ZFYVE19: variants seen among roughly 807,000 people sequenced by gnomAD.
ZFYVE19 encodes abscission/NoCut checkpoint regulator.
Under a neutral mutation model 62.8 loss-of-function variants are expected in ZFYVE19, and 49 were observed. The observed-to-expected ratio is 0.78, with a 90% CI of 0.62 to 0.99. The LOEUF (loss-of-function observed/expected upper bound fraction) is 0.99, where lower values mean the gene tolerates loss of function less well. Ranked by LOEUF, ZFYVE19 falls within the 50% of genes least tolerant of loss-of-function variation. The pLI, the probability that ZFYVE19 is intolerant of heterozygous loss-of-function variation, is 0.00. For synonymous variants in ZFYVE19, 242 were observed against 234.3 expected, an observed-to-expected ratio of 1.03 and a Z score of -0.30; for missense variants, 630 against 601.9, an observed-to-expected ratio of 1.05 and a Z score of -0.49.
At chr15:40,811,885 G>C (rs1203743631) in intron 6 of ZFYVE19, among the ~76,000 whole-genome samples, 1 of 152,238 alleles carries the variant, frequency 6.6e-6, no homozygotes, top group Non-Finnish European at 1.5e-5. Flanking sequence ...AGGTGACTGT[G>C]TCAGAGCCAC....
At chr15:40,813,843 C>A (rs1339247170) in intron 9 of ZFYVE19, 32 bp downstream of exon 9, 1 of 1,605,338 alleles carries the variant, frequency 6.2e-7, no homozygotes, top group Non-Finnish European at 8.5e-7. Context: ...GACCCCCAGG[C>A]TCCCCCCAGC....
chr15:40,810,571 A>G, intron 5 of ZFYVE19, 78 bp from the exon 6 acceptor site: 1 of 1,522,608 alleles, frequency 6.6e-7, no homozygotes, highest in South Asian at 1.3e-5. Context: ...GGCTTTGAGA[A>G]CTACTTAGCA....
At chr15:40,809,745 C>A in intron 3 of ZFYVE19, 107 bp from the exon 4 acceptor site, 1 of 1,273,782 alleles carries the variant, frequency 7.9e-7, no homozygotes, top group Non-Finnish European at 1.1e-6. Flanking sequence ...CATTGGAGGC[C>A]TCCCTAAGTG....
Position 40,809,886 on chromosome 15 carries a change from A to G in ZFYVE19, c.487A>G (p.Ser163Gly), listed in dbSNP as rs779884454. 6.2e-7 allele frequency: 1 copy of G among 1,614,252 alleles called. No homozygotes were observed. Among genetic ancestry groups the G allele is most frequent in the South Asian group, 1.1e-5 (1 of 91,086 alleles). Residue 163 changes from serine to glycine, a missense_variant, in exon 4 of 11, where the codon AGC becomes GGC. Physicochemically the swap from Ser to Gly is moderately conservative, Grantham distance 56. Transcript: ENST00000355341. Reference sequence around the variant, plus strand: ...AGCCTTGGAAGCCAAGCAAAAGCCCAGCACTTCCCAGAGCCAGGGACTGAC... The same window carrying G: ...AGCCTTGGAAGCCAAGCAAAAGCCCGGCACTTCCCAGAGCCAGGGACTGAC... Reference protein sequence around the residue: ...VAALEAKQKPSTSQSQGLTRQ... With the variant: ...VAALEAKQKPGTSQSQGLTRQ...
At chr15:40,810,360 C>A in intron 5 of ZFYVE19, 144 bp downstream of exon 5, 1 of 1,383,814 alleles carries the variant, frequency 7.2e-7, no homozygotes, top group Non-Finnish European at 9.6e-7. Context: ...ACTTTTGCAC[C>A]AACCTTTGTA....
chr15:40,808,742 A>T (rs1461606567), intron 1 of ZFYVE19: 2 of 302,602 alleles, frequency 6.6e-6, no homozygotes, highest in Non-Finnish European at 1.3e-5. Context: ...TCCTGAGCCA[A>T]GCCTCCCTCC....
At chr15:40,813,279 C>A (rs770102647) in intron 7 of ZFYVE19, 59 bp from the exon 8 acceptor site, 6 of 1,532,822 alleles carry the variant, frequency 3.9e-6, no homozygotes, top group Non-Finnish European at 5.4e-6. Flanking sequence ...GGCAGCCACT[C>A]ATGTGAAATC....
Position 40,814,150 on chromosome 15 carries a change from A to AG in ZFYVE19, c.1343dup (p.His449ProfsTer2). On this transcript the variant is annotated frameshift_variant, in exon 11 of 11. Transcript: ENST00000355341. LOFTEE classifies it high-confidence loss of function. ...ACTTGTATCCCTTTGTTCCACAGAG[A>AG]GGGCCATGATGCCTTTGAGCTTAAA... 1.2e-6 allele frequency: 2 copies of AG among 1,614,126 alleles called. No individual in the cohort carries two copies. The highest frequency in any genetic ancestry group is 1.7e-6 in the Non-Finnish European group (2 of 1,180,010).
intron 7 of ZFYVE19, 35 bp downstream of exon 7, chr15:40,812,937 C>G (rs768788681): frequency 9.8e-5 from 157 of 1,601,666 alleles, no homozygotes; most frequent in Non-Finnish European, 1.3e-4. Flanking sequence ...ACTGGTATCC[C>G]TTGGTCAAGG....
At chr15:40,809,532 C>T in intron 3 of ZFYVE19, 74 bp downstream of exon 3, 1 of 1,536,214 alleles carries the variant, frequency 6.5e-7, no homozygotes, top group Non-Finnish European at 9.0e-7. Flanking sequence ...ACCCTGCCCC[C>T]ATCTTCTAGA....
intron 1 of ZFYVE19, chr15:40,808,475 A>G (rs1193949734): frequency 6.7e-7 from 1 of 1,494,116 alleles, no homozygotes; most frequent in South Asian, 1.3e-5. Flanking sequence ...AGGACCGTGC[A>G]GCATTCACCA....
In ZFYVE19 at chr15:40,813,898, C is replaced by T. The variant is rs116417086; in HGVS notation, c.1210-45C>T. ...ACTGCTCCTGCAGCAGCTCACATACCCCACTGGGTACCTTACTTCCTCCAT... is the reference window on the plus strand; with the variant it reads ...ACTGCTCCTGCAGCAGCTCACATACTCCACTGGGTACCTTACTTCCTCCAT... On this transcript the variant is annotated intron_variant, in intron 9 of 10. Transcript: ENST00000355341. 1,972 of 1,591,412 alleles carry T rather than the reference C, an allele frequency of 1.2e-3. 22 individuals carry two copies. The African/African-American group carries it at 0.024, about 19-fold the overall frequency.
At chr15:40,807,899 C>T (rs1439602169) in intron 1 of ZFYVE19, 31 bp downstream of exon 1, 1 of 1,548,870 alleles carries the variant, frequency 6.5e-7, no homozygotes, top group Non-Finnish European at 8.7e-7. Flanking sequence ...GGCTGCAGGG[C>T]CAGGGAGGAG....
intron 3 of ZFYVE19, 132 bp from the exon 4 acceptor site, chr15:40,809,720 G>A: frequency 9.6e-7 from 1 of 1,039,280 alleles, no homozygotes; most frequent in Non-Finnish European, 1.5e-6. Flanking sequence ...TGAGTGAGGG[G>A]CACAGCAGAT....
At position 40,807,486 on chromosome 15, in the gene ZFYVE19, T is replaced by A. The variant is rs760742225; in HGVS notation, c.-104T>A. The stretch of plus-strand genomic sequence containing the variant: ...GGATTCGTACTACAACTCCCAAGAG[T>A]CTAAGCGCGCGTGAGGACTGCAGGC... On this transcript the variant is annotated 5_prime_UTR_variant, in exon 1 of 11. Coordinates refer to ENST00000355341, the MANE Select transcript of ZFYVE19 (RefSeq NM_001077268.2). 7 of 1,612,590 alleles carry A rather than the reference T, an allele frequency of 4.3e-6. No homozygotes were observed. The highest frequency in any genetic ancestry group is 1.7e-4 in the Middle Eastern group (1 of 6,052).
rs572145677 is a variant in ZFYVE19, at chr15:40,809,953, G to T, written c.554G>T (p.Arg185Leu). 1.2e-6 allele frequency: 2 copies of T among 1,614,084 alleles called. No homozygotes were observed. The highest frequency in any genetic ancestry group is 1.7e-6 in the Non-Finnish European group (2 of 1,180,044). Reference protein sequence around the residue: ...QMIAERLARLRQENKPKLVPS... With the variant: ...QMIAERLARLLQENKPKLVPS... ...ATTGCTGAGCGCCTAGCACGACTCC[G>T]CCAGGAGAACAAGCCCAGTGAGCAG... Residue 185 changes from arginine (R) to leucine (L), a missense_variant, in exon 4 of 11, where the codon CGC (arginine) becomes CTC (leucine). Physicochemically the swap from Arg to Leu is moderately radical, Grantham distance 102. Coordinates refer to ENST00000355341, the MANE Select transcript of ZFYVE19 (RefSeq NM_001077268.2).
rs774667798 is a variant in ZFYVE19 at position 40,813,458 on chromosome 15, C to A, written c.1110+41C>A. ...CCACCTGCCACCCCTTGTCCCGTCT[C>A]CGCCTCATTGCCCCACCTCTACTCT... is the stretch of plus-strand genomic sequence containing the variant. On this transcript the variant is annotated intron_variant, in intron 8 of 10. Coordinates refer to ENST00000355341, the MANE Select transcript of ZFYVE19 (RefSeq NM_001077268.2). 1.1e-5 allele frequency: 17 copies of A among 1,551,560 alleles called. No individual in the cohort carries two copies. The South Asian group carries it at 1.9e-4, about 17-fold the overall frequency.
rs1890310085 is a variant in ZFYVE19 at position 40,807,793 on chromosome 15, C to G, written c.204C>G (p.Asp68Glu). ...GCCGGCGTGATCTCAGCTCTGCAGA[C>G]CCTGCGGTGCTGGGAGCCACCATGG... ...GLGRRDLSSA[D>E]PAVLGATMES... Residue 68 changes from aspartate (D) to glutamate (E), a missense_variant, in exon 1 of 11, where the codon GAC (aspartate) becomes GAG (glutamate). By Grantham distance (45) the Asp-to-Glu change is conservative (BLOSUM62 2). Coordinates refer to ENST00000355341, the MANE Select transcript of ZFYVE19 (RefSeq NM_001077268.2). The G allele has an allele frequency of 6.4e-7, 1 of 1,566,122 alleles. No homozygotes were observed. Among genetic ancestry groups the G allele is most frequent in the Admixed American group, 1.8e-5 (1 of 55,620 alleles).
chr15:40,807,825 G>T lies in ZFYVE19; in HGVS notation c.236G>T (p.Arg79Met). The change falls in exon 1 of 11, where the codon AGG becomes ATG. Residue 79 changes from arginine to methionine, a missense_variant. By Grantham distance (91) the Arg-to-Met change is moderately conservative (BLOSUM62 -1). Coordinates refer to ENST00000355341, the MANE Select transcript of ZFYVE19 (RefSeq NM_001077268.2). ...PAVLGATMES[R>M]CYGCAVKFTL... is the part of the protein sequence containing the mutation. ...GTGCTGGGAGCCACCATGGAGAGTA[G>T]GTGCTACGGCTGCGCTGTCAAGTTC... The T allele has an allele frequency of 6.5e-7, 1 of 1,540,722 alleles. No homozygotes were observed. The highest frequency in any genetic ancestry group is 8.7e-7 in the Non-Finnish European group (1 of 1,150,658).
Sources: gnomAD v4.1 joint callset for allele counts (sites outside exome capture counted in the v4.1 genomes callset) on GRCh38, gnomAD v4.1.1 for gene constraint, MANE v1.5 for transcripts, NCBI Gene and HGNC (gene_info 2026-07-23, HGNC 2026-07-21) for gene names.